LIN54: variants seen among roughly 807,000 people sequenced by gnomAD.
The protein encoded by LIN54 is lin-54 DREAM MuvB core complex component.
LIN54 carries 9 observed loss-of-function variants against 78.7 expected under a neutral mutation model. The ratio of observed to expected loss-of-function variants is 0.11; its 90% confidence interval spans 0.07 to 0.20. The LOEUF (loss-of-function observed/expected upper bound fraction) is 0.20. LIN54 is among the 10% of genes least tolerant of loss of function. The probability of loss-of-function intolerance (pLI) is 1.00; values close to 1 mark genes in which losing one functional copy is unlikely to be tolerated. For missense variants in LIN54, 573 were observed against 889.9 expected (o/e 0.64, Z 4.53); for synonymous variants, 269 against 318.4 (o/e 0.84, Z 1.65).
chr4:82,991,100 G>A (rs1727650686), intron 1 of LIN54, among the ~76,000 whole-genome samples: 2 of 143,316 alleles, frequency 1.4e-5, no homozygotes, highest in Admixed American at 7.3e-5. Context: ...GTTCAAGGCT[G>A]CAGTGCACCA....
At chr4:82,989,491 C>A (rs188995725) in intron 1 of LIN54, among the ~76,000 whole-genome samples, 57 of 152,302 alleles carry the variant, frequency 3.7e-4, no homozygotes, top group Admixed American at 3.9e-4. Flanking sequence ...CTTCCCCAAA[C>A]CCCAAGAGTT....
rs1407267289 is a variant in LIN54 at position 82,936,171 on chromosome 4, T to C, written c.1708-53A>G. On this transcript the variant is annotated intron_variant, in intron 10 of 12. Transcript: ENST00000340417. ...GAGTTAAATCACAGTAGATGAAATT[T>C]AAACACTGCAAAAGGAATTGATAAC... The C allele has an allele frequency of 1.7e-5, 28 of 1,601,432 alleles. No homozygotes were observed. The South Asian group carries it at 3.0e-4, about 17-fold the overall frequency.
chr4:82,955,031 ACT>A (rs1290955026), intron 4 of LIN54, among the ~76,000 whole-genome samples: 1 of 152,212 alleles, frequency 6.6e-6, no homozygotes, highest in Admixed American at 6.5e-5. Context: ...TGCAAAAACC[ACT>A]GTTAATATGA....
At chr4:82,942,945 T>G (rs954630156) in intron 5 of LIN54, among the ~76,000 whole-genome samples, 8 of 148,034 alleles carry the variant, frequency 5.4e-5, no homozygotes, top group Non-Finnish European at 1.1e-4. Context: ...CAAATTTACA[T>G]AGGTTTGACA....
Position 82,936,360 on chromosome 4 carries a change from A to G in LIN54, c.1626T>C (p.Asn542=). The G allele has an allele frequency of 6.4e-7, 1 of 1,569,990 alleles. No homozygotes were observed. The highest frequency in any genetic ancestry group is 1.2e-5 in the South Asian group (1 of 86,820). The change falls in exon 10 of 13, where the codon AAT becomes AAC. Residue 542 remains asparagine (N), a synonymous_variant. Transcript: ENST00000340417. ...AATTGCAGTTGTTGCAAAATTCACCATTTGCAAAGCAATCACAATACCTGA... is the reference window on the plus strand; with the variant it reads ...AATTGCAGTTGTTGCAAAATTCACCGTTTGCAAAGCAATCACAATACCTGA... ...CLKLYCDCFA[N]GEFCNNCNCT...
At chr4:82,974,135 A>C (rs188034690) in intron 3 of LIN54, among the ~76,000 whole-genome samples, 1 of 151,038 alleles carries the variant, frequency 6.6e-6, no homozygotes, top group African/African-American at 2.4e-5. Flanking sequence ...GCGTGAACCC[A>C]GGAGGCGGAG....
chr4:83,000,827 C>CTTTTTTTCTTTTTTTTTTTT (rs528409899), intron 1 of LIN54, among the ~76,000 whole-genome samples: 2 of 120,540 alleles, frequency 1.7e-5, no homozygotes, highest in African/African-American at 3.2e-5. Context: ...GCAATAAATT[C>CTTTTTTTCTTTTTTTTTTTT]TTTTTTTTTT....
chr4:82,989,828 C>T (rs1727508550), intron 1 of LIN54, among the ~76,000 whole-genome samples: 1 of 152,154 alleles, frequency 6.6e-6, no homozygotes, highest in African/African-American at 2.4e-5. Flanking sequence ...GTTTTGAATC[C>T]ACCTAAAGCT....
intron 4 of LIN54, among the ~76,000 whole-genome samples, chr4:82,966,705 G>C (rs1385443385): frequency 6.6e-6 from 1 of 151,858 alleles, no homozygotes; most frequent in South Asian, 2.1e-4. Context: ...TGCAACCTCC[G>C]CCTCCCCGGT....
At chr4:82,939,322 A>T (rs773759285) in intron 7 of LIN54, among the ~76,000 whole-genome samples, 2 of 152,200 alleles carry the variant, frequency 1.3e-5, no homozygotes, top group Non-Finnish European at 2.9e-5. Context: ...TCTCAGCTCC[A>T]AATTGTCTGA....
intron 1 of LIN54, among the ~76,000 whole-genome samples, chr4:82,992,205 G>A (rs914267166): frequency 6.6e-6 from 1 of 152,116 alleles, no homozygotes; most frequent in South Asian, 2.1e-4. Context: ...GTCTTTGAAG[G>A]AATTTGCCTA....
chr4:83,000,827 C>CTTTTTTTCTTTTCT lies in LIN54; in HGVS notation c.-33+9656_-33+9657insAGAAAAGAAAAAAA, dbSNP rs528409899. The stretch of plus-strand genomic sequence containing the variant: ...GCCATCAAGCCCAAAGCAATAAATT[C>CTTTTTTTCTTTTCT]TTTTTTTTTTTTTGGAGATAGAGTC... On this transcript the variant is annotated intron_variant, in intron 1 of 12. Coordinates refer to ENST00000340417, the MANE Select transcript of LIN54 (RefSeq NM_194282.4). Among the ~76,000 whole-genome samples the CTTTTTTTCTTTTCT allele has an allele frequency of 1.1e-4, 13 of 120,536 alleles. 1 individual carries two copies. The highest frequency in any genetic ancestry group is 2.8e-4 in the Admixed American group (3 of 10,712). The allele number at this position is 120,536 out of a possible 152,430, so 79.1% of individuals were successfully genotyped here. A position where few individuals can be genotyped will look rare whatever the true frequency, so the allele number is the denominator to read the frequency against.
At chr4:83,011,255 A>T (rs546054575), upstream of LIN54, among the ~76,000 whole-genome samples, 21 of 152,316 alleles carry the variant, frequency 1.4e-4, no homozygotes, top group African/African-American at 4.8e-4. Context: ...AACTACTTTG[A>T]CAGGATGAGC....
intron 2 of LIN54, among the ~76,000 whole-genome samples, chr4:82,983,421 T>C (rs1376556728): frequency 1.3e-5 from 2 of 152,202 alleles, no homozygotes; most frequent in African/African-American, 4.8e-5. Context: ...TAGGGTCCTA[T>C]TCATACTAAT....
intron 4 of LIN54, among the ~76,000 whole-genome samples, chr4:82,947,235 A>ATATATTTTTTTTTTTTTT: frequency 9.0e-5 from 4 of 44,288 alleles, no homozygotes; most frequent in African/African-American, 4.0e-4. Context: ...ATATATATAT[A>ATATATTTTTTTTTTTTTT]TTTTTTTTTT....
intron 4 of LIN54, among the ~76,000 whole-genome samples, chr4:82,963,327 T>C (rs1724953695): frequency 6.6e-6 from 1 of 152,150 alleles, no homozygotes; most frequent in African/African-American, 2.4e-5. Context: ...TAGTCTTTCA[T>C]TAAAAGAAAC....
chr4:82,934,337 C>T (rs551598834), intron 11 of LIN54, among the ~76,000 whole-genome samples: 2 of 152,282 alleles, frequency 1.3e-5, no homozygotes, highest in African/African-American at 4.8e-5. Flanking sequence ...ACCCAGGAGA[C>T]GGATATTACA....
chr4:83,000,036 G>T (rs1402460999), intron 1 of LIN54, among the ~76,000 whole-genome samples: 1 of 151,950 alleles, frequency 6.6e-6, no homozygotes, highest in Non-Finnish European at 1.5e-5. Flanking sequence ...GGGACCACAG[G>T]CGCATGCCAT....
chr4:82,974,000 G>T (rs543045955), intron 3 of LIN54, among the ~76,000 whole-genome samples: 1 of 152,166 alleles, frequency 6.6e-6, no homozygotes, highest in East Asian at 1.9e-4. Flanking sequence ...CACGAGGTCA[G>T]GAGATTGGGA....
Sources: allele counts gnomAD v4.1 joint callset (sites outside exome capture counted in the v4.1 genomes callset), GRCh38; gene constraint gnomAD v4.1.1; transcripts MANE v1.5; gene names NCBI Gene and HGNC (gene_info 2026-07-23, HGNC 2026-07-21).